ITGAV: variants seen among roughly 807,000 people sequenced by gnomAD.
The protein encoded by ITGAV is integrin subunit alpha V.
Under a neutral mutation model 143.8 loss-of-function variants are expected in ITGAV, and 76 were observed. The observed-to-expected ratio is 0.53, with a 90% confidence interval of 0.44 to 0.64. The LOEUF (loss-of-function observed/expected upper bound fraction) is 0.64, where lower values mean the gene tolerates loss of function less well. Ranked by LOEUF, ITGAV falls within the 30% of genes least tolerant of loss-of-function variation. ITGAV has a pLI of 0.00. For synonymous variants in ITGAV, 453 were observed against 446.7 expected (o/e 1.01, Z -0.18); for missense variants, 1,193 against 1,274.7 (o/e 0.94, Z 0.98).
intron 2 of ITGAV, among the ~76,000 whole-genome samples, chr2:186,612,044 A>G (rs879549621): frequency 3.3e-5 from 5 of 152,234 alleles, no homozygotes; most frequent in Admixed American, 6.5e-5. Context: ...TGTTGTGCCC[A>G]TACTAGAACT....
chr2:186,620,122 A>G (rs974420456), intron 2 of ITGAV, among the ~76,000 whole-genome samples: 1 of 152,236 alleles, frequency 6.6e-6, no homozygotes, highest in Non-Finnish European at 1.5e-5. Context: ...GCCTCTTTGC[A>G]CAAGGTTTTC....
intron 2 of ITGAV, among the ~76,000 whole-genome samples, chr2:186,620,748 C>T (rs968868014): frequency 1.3e-5 from 2 of 152,002 alleles, no homozygotes; most frequent in East Asian, 3.8e-4. Context: ...TAGAAATATT[C>T]CTAAATTTGA....
intron 4 of ITGAV, among the ~76,000 whole-genome samples, chr2:186,628,054 G>C (rs1400416441): frequency 6.6e-6 from 1 of 152,118 alleles, no homozygotes; most frequent in Non-Finnish European, 1.5e-5. Context: ...ACTTTGTGCT[G>C]ACAATCCACC....
intron 6 of ITGAV, 89 bp downstream of exon 6, chr2:186,633,463 T>C: frequency 1.5e-6 from 1 of 674,146 alleles, no homozygotes; most frequent in South Asian, 2.0e-5. Flanking sequence ...TTACAAATTA[T>C]TTTAAAGAAA....
chr2:186,631,646 A>G (rs189851982), intron 5 of ITGAV, among the ~76,000 whole-genome samples: 1 of 152,334 alleles, frequency 6.6e-6, no homozygotes, highest in East Asian at 1.9e-4. Flanking sequence ...TTTCTTAGAA[A>G]TGTGAGCAAA....
chr2:186,657,211 ACT>A (rs1688615154), intron 17 of ITGAV, among the ~76,000 whole-genome samples: 1 of 152,124 alleles, frequency 6.6e-6, no homozygotes, highest in African/African-American at 2.4e-5. Context: ...CCTGGGTGAG[ACT>A]CTATTTTATT....
intron 2 of ITGAV, among the ~76,000 whole-genome samples, chr2:186,603,023 A>G (rs3768778): frequency 0.75 from 113,937 of 152,076 alleles, 42,771 homozygotes; most frequent in East Asian, 0.86. Flanking sequence ...TCAGTGTCAG[A>G]ATTGTGGTAG....
intron 28 of ITGAV, among the ~76,000 whole-genome samples, chr2:186,676,493 A>G (rs1689212410): frequency 1.3e-5 from 2 of 152,132 alleles, no homozygotes; most frequent in African/African-American, 4.8e-5. Context: ...AATTCCAACT[A>G]CTGGGGAGGC....
rs61764163 is a variant in ITGAV at position 186,669,572 on chromosome 2, G to A, written c.2593-129G>A. 1.3e-3 allele frequency: 841 copies of A among 660,004 alleles called. 4 individuals are homozygous for A. The highest frequency in any genetic ancestry group is 6.5e-3 in the Middle Eastern group (16 of 2,448). 40.9% of individuals were successfully genotyped at this position (660,004 alleles called of 1,614,324 possible). A position where few individuals can be genotyped will look rare whatever the true frequency, so the allele number is the denominator to read the frequency against. On this transcript the variant is annotated intron_variant, in intron 25 of 29. Transcript: ENST00000261023. ...CTTACTGCTCACTATATACTGAGTG[G>A]TAAATATTCTGTCATACTAAATTTT...
chr2:186,621,402 A>G (rs1162964696), intron 2 of ITGAV, among the ~76,000 whole-genome samples: 3 of 152,016 alleles, frequency 2.0e-5, no homozygotes, highest in Non-Finnish European at 4.4e-5. Flanking sequence ...TTAGAAATGA[A>G]TCATTATTAT....
Position 186,678,942 on chromosome 2 carries a change from C to T in ITGAV, c.*1650C>T. The stretch of plus-strand genomic sequence containing the variant: ...TGAGAATATATTCGTAAAATAGGAG[C>T]ACATTTAGTTGAGGTATACAAGGTA... On this transcript the variant is annotated 3_prime_UTR_variant, in exon 30 of 30. Coordinates refer to ENST00000261023, the MANE Select transcript of ITGAV (RefSeq NM_002210.5). 1 of 354,966 alleles carries T rather than the reference C, an allele frequency of 2.8e-6. No homozygotes were observed. The allele number at this position is 354,966 out of a possible 1,614,324, so 22.0% of individuals were successfully genotyped here.
chr2:186,633,498 A>G, intron 6 of ITGAV, 124 bp downstream of exon 6: 1 of 427,824 alleles, frequency 2.3e-6, no homozygotes, highest in Non-Finnish European at 4.3e-6. Flanking sequence ...ATTAAAGTAT[A>G]TAAACACTCC....
chr2:186,658,856 T>A (rs1317215950), intron 17 of ITGAV, among the ~76,000 whole-genome samples, 182 bp from the exon 18 acceptor site: 1 of 152,142 alleles, frequency 6.6e-6, no homozygotes, highest in East Asian at 1.9e-4. Context: ...TAAAGGCTCT[T>A]ACTTGATAAG....
At chr2:186,671,952 TTTTTTTTTTC>T (rs1689074924) in intron 26 of ITGAV, among the ~76,000 whole-genome samples, 1 of 149,764 alleles carries the variant, frequency 6.7e-6, no homozygotes, top group Non-Finnish European at 1.5e-5. Context: ...CTCCTTTTTT[TTTTTTTTTTC>T]TTTTTTTGAG....
rs904742325 is a variant in ITGAV at position 186,590,229 on chromosome 2, C to T, written c.-110C>T. 1.8e-5 allele frequency: 17 copies of T among 924,862 alleles called. No homozygotes were observed. Among genetic ancestry groups the T allele is most frequent in the Middle Eastern group, 3.6e-4 (1 of 2,802 alleles). 57.3% of individuals were successfully genotyped at this position (924,862 alleles called of 1,614,324 possible). On this transcript the variant is annotated 5_prime_UTR_variant, in exon 1 of 30. Transcript: ENST00000261023. ...CCCGGGCTAGCCGAGAAGAGAGCGG[C>T]CGGCAAGTTTGGGCGCGCGCAGGCG...
chr2:186,639,702 A>G (rs193251613), intron 10 of ITGAV, among the ~76,000 whole-genome samples: 77 of 152,302 alleles, frequency 5.1e-4, no homozygotes, highest in Admixed American at 7.8e-4. Flanking sequence ...TTTGCTGCTG[A>G]AAATCTGTTT....
At chr2:186,603,387 G>A (rs1194726083) in intron 2 of ITGAV, among the ~76,000 whole-genome samples, 1 of 152,130 alleles carries the variant, frequency 6.6e-6, no homozygotes, top group Non-Finnish European at 1.5e-5. Context: ...ATTGTGATCA[G>A]TGCCAAAATG....
intron 26 of ITGAV, among the ~76,000 whole-genome samples, chr2:186,673,500 A>C (rs192819106): frequency 2.0e-5 from 3 of 152,306 alleles, no homozygotes; most frequent in Admixed American, 2.0e-4. Flanking sequence ...GAGTATTGCT[A>C]TCTTAACATT....
intron 12 of ITGAV, among the ~76,000 whole-genome samples, chr2:186,642,535 CTTTTTTT>C (rs35034170): frequency 8.8e-6 from 1 of 113,192 alleles, no homozygotes; most frequent in Non-Finnish European, 1.8e-5. Flanking sequence ...TCTTTTTTTT[CTTTTTTT>C]TTTTTTTTTT....
Sources: allele counts gnomAD v4.1 joint callset (sites outside exome capture counted in the v4.1 genomes callset), GRCh38; gene constraint gnomAD v4.1.1; transcripts MANE v1.5; gene names NCBI Gene and HGNC (gene_info 2026-07-23, HGNC 2026-07-21).